ADAMTS14: variants seen among roughly 807,000 people sequenced by gnomAD.
ADAMTS14 encodes the protein A disintegrin and metalloproteinase with thrombospondin motifs 14.
In ADAMTS14, 100 loss-of-function variants were observed where a neutral mutation model predicts 128.6. The ratio of observed to expected loss-of-function variants is 0.78; its 90% CI spans 0.66 to 0.92. The LOEUF (loss-of-function observed/expected upper bound fraction) is 0.92. Among genes scored for constraint, ADAMTS14 ranks in the 40% least tolerant of loss-of-function variants. ADAMTS14 has a pLI of 0.00. For missense variants in ADAMTS14, 1,562 were observed against 1,658.6 expected, an observed-to-expected ratio of 0.94 and a Z score of 1.01; for synonymous variants, 665 against 653.8, an observed-to-expected ratio of 1.02 and a Z score of -0.26.
In ADAMTS14 at chr10:70,741,171, G is replaced by A. The variant is rs780283619; in HGVS notation, c.1924+9G>A. The stretch of plus-strand genomic sequence containing the variant: ...CTACGAGCCTGACGATGGTGAGTGG[G>A]CCCCACCCCCCTCCCACTCCATGTC... On this transcript the variant is annotated intron_variant, in intron 12 of 21. Coordinates refer to ENST00000373207, the MANE Select transcript of ADAMTS14 (RefSeq NM_080722.4). 8 of 1,610,926 alleles carry A rather than the reference G, an allele frequency of 5.0e-6. No homozygotes were observed. The highest frequency in any genetic ancestry group is 3.3e-5 in the South Asian group (3 of 91,026).
intron 2 of ADAMTS14, among the ~76,000 whole-genome samples, chr10:70,692,557 G>A (rs1258283353): frequency 2.0e-5 from 3 of 152,218 alleles, no homozygotes; most frequent in Non-Finnish European, 4.4e-5. Context: ...TTAGGGAATG[G>A]GAGTTGATTC....
Position 70,760,639 on chromosome 10 carries a change from G to A in ADAMTS14, c.3458G>A (p.Gly1153Glu). The A allele has an allele frequency of 6.2e-7, 1 of 1,614,136 alleles. No homozygotes were observed. Among genetic ancestry groups the A allele is most frequent in the Non-Finnish European group, 8.5e-7 (1 of 1,180,014 alleles). ...HQHGRATQLP[G>E]ALDTSSPGTQ... ...CATGGCCGAGCCACACAGCTCCCAG[G>A]AGCTCTGGATACAAGCTCCCCAGGG... Residue 1153 changes from glycine to glutamate, a missense_variant, in exon 22 of 22, where the codon GGA (glycine) becomes GAA (glutamate). By Grantham distance (98) the Gly-to-Glu change is moderately conservative. Coordinates refer to ENST00000373207, the MANE Select transcript of ADAMTS14 (RefSeq NM_080722.4).
chr10:70,734,397 G>A (rs1218848938), intron 8 of ADAMTS14, among the ~76,000 whole-genome samples: 1 of 152,106 alleles, frequency 6.6e-6, no homozygotes, highest in Non-Finnish European at 1.5e-5. Context: ...TGAGGCTTGG[G>A]GCTCTAAACC....
At chr10:70,726,446 C>T (rs1160009990) in intron 4 of ADAMTS14, among the ~76,000 whole-genome samples, 2 of 152,334 alleles carry the variant, frequency 1.3e-5, no homozygotes, top group African/African-American at 4.8e-5. Context: ...CAGATGCCCC[C>T]GCTGAATGTC....
chr10:70,727,631 C>T (rs1024414707), intron 4 of ADAMTS14, among the ~76,000 whole-genome samples: 1 of 152,108 alleles, frequency 6.6e-6, no homozygotes, highest in African/African-American at 2.4e-5. Context: ...GCATCACATC[C>T]CTGACCATGC....
intron 4 of ADAMTS14, among the ~76,000 whole-genome samples, chr10:70,718,576 G>A (rs1458229911): frequency 6.6e-6 from 1 of 151,886 alleles, no homozygotes; most frequent in Non-Finnish European, 1.5e-5. Flanking sequence ...AGTAGTGATG[G>A]GGATTCGCTG....
rs1345431009 is a variant in ADAMTS14, at chr10:70,756,595, TAGAA to T, written c.2938-1363_2938-1360del. 4.6e-5 allele frequency among the ~76,000 whole-genome samples: 7 copies of T among 152,320 alleles called. No homozygotes were observed. The South Asian group carries it at 1.2e-3, about 27-fold the overall frequency. On this transcript the variant is annotated intron_variant, in intron 19 of 21. Transcript: ENST00000373207. ...ACAAAGGAAAGGTTGGGGGTTTTAT[TAGAA>T]AGAGACATGATATGTATTGTGTTGA...
intron 5 of ADAMTS14, among the ~76,000 whole-genome samples, chr10:70,729,878 C>T (rs1007038715): frequency 7.2e-5 from 11 of 152,184 alleles, no homozygotes; most frequent in Admixed American, 1.3e-4. Context: ...GTGAAGTTCC[C>T]GGCAGAAACG....
chr10:70,736,759 C>T lies in ADAMTS14; in HGVS notation c.1565C>T (p.Pro522Leu), dbSNP rs150452351. ...TACTTCTGCAAGACCAAGAAGGGGC[C>T]CCCGCTGGATGGGACTGAGTGTGCA... Reference protein sequence around the residue: ...NPYFCKTKKGPPLDGTECAPG... With the variant: ...NPYFCKTKKGLPLDGTECAPG... The change falls in exon 10 of 22, where the codon CCC (proline) becomes CTC (leucine). Residue 522 changes from proline to leucine, a missense_variant. Transcript: ENST00000373207. 2.4e-5 allele frequency: 39 copies of T among 1,613,786 alleles called. 1 individual carries two copies. The South Asian group carries it at 2.7e-4, about 11-fold the overall frequency.
At chr10:70,719,551 C>G (rs1489964083) in intron 4 of ADAMTS14, among the ~76,000 whole-genome samples, 1 of 151,652 alleles carries the variant, frequency 6.6e-6, no homozygotes, top group African/African-American at 2.4e-5. Flanking sequence ...ATAGGCATGG[C>G]TGACTGTGCC....
chr10:70,734,107 G>A (rs1426810633), intron 8 of ADAMTS14, 79 bp downstream of exon 8: 3 of 1,552,568 alleles, frequency 1.9e-6, no homozygotes, highest in Non-Finnish European at 2.6e-6. Flanking sequence ...ACAGCTGGCT[G>A]GCTTCCCCAC....
intron 4 of ADAMTS14, among the ~76,000 whole-genome samples, chr10:70,714,051 A>G (rs551740400): frequency 6.6e-6 from 1 of 152,250 alleles, no homozygotes; most frequent in South Asian, 2.1e-4. Flanking sequence ...AAATTAGCCA[A>G]GCAAGGTGGT....
chr10:70,758,429 T>G, intron 21 of ADAMTS14, 144 bp downstream of exon 21: 1 of 680,324 alleles, frequency 1.5e-6, no homozygotes, highest in Non-Finnish European at 2.4e-6. Flanking sequence ...ACCTCAGTTA[T>G]GAAGTGGGGA....
At chr10:70,720,697 C>A (rs753914171) in intron 4 of ADAMTS14, among the ~76,000 whole-genome samples, 6 of 152,232 alleles carry the variant, frequency 3.9e-5, no homozygotes, top group Non-Finnish European at 7.3e-5. Flanking sequence ...ACACAGGTAC[C>A]CACACACATG....
intron 15 of ADAMTS14, among the ~76,000 whole-genome samples, chr10:70,746,899 C>T (rs1201703220): frequency 6.6e-6 from 1 of 152,016 alleles, no homozygotes; most frequent in African/African-American, 2.4e-5. Flanking sequence ...TGTGTTCAGA[C>T]CCCTTTGCAG....
rs1348472594 is a variant in ADAMTS14 at position 70,738,956 on chromosome 10, G to T, written c.1714G>T (p.Val572Leu). ...ATGTTCGCGGTCATGTGGGGGCGGG[G>T]TGCGATCCCGCAGCCGGAGCTGCAA... ...GSCSRSCGGG[V>L]RSRSRSCNNP... Residue 572 changes from valine (V) to leucine (L), a missense_variant, in exon 11 of 22, where the codon GTG becomes TTG. Coordinates refer to ENST00000373207, the MANE Select transcript of ADAMTS14 (RefSeq NM_080722.4). 6.2e-7 allele frequency: 1 copy of T among 1,613,158 alleles called. No individual in the cohort carries two copies. The highest frequency in any genetic ancestry group is 8.5e-7 in the Non-Finnish European group (1 of 1,179,444).
At chr10:70,757,621 CAG>C (rs1310967553) in intron 19 of ADAMTS14, among the ~76,000 whole-genome samples, 4 of 152,168 alleles carry the variant, frequency 2.6e-5, no homozygotes, top group Non-Finnish European at 5.9e-5. Context: ...AGACCAGACA[CAG>C]TGCATGCAGG....
intron 3 of ADAMTS14, among the ~76,000 whole-genome samples, chr10:70,706,228 T>C (rs1394293490): frequency 3.9e-5 from 6 of 152,218 alleles, no homozygotes; most frequent in African/African-American, 1.4e-4. Flanking sequence ...GAGAGAATTA[T>C]GGCTGTGCCC....
chr10:70,703,846 G>A lies in ADAMTS14; in HGVS notation c.679+1378G>A, dbSNP rs1840568929. Among the ~76,000 whole-genome samples the A allele has an allele frequency of 2.0e-5, 3 of 152,218 alleles. No individual in the cohort carries two copies. The South Asian group carries it at 6.2e-4, about 32-fold the overall frequency. On this transcript the variant is annotated intron_variant, in intron 3 of 21. Coordinates refer to ENST00000373207, the MANE Select transcript of ADAMTS14 (RefSeq NM_080722.4). ...ACTCTTGCCCCACACCAGGCTCCGG[G>A]GCTGGAACTCCAGTGAGGCCAGGCC...
Sources: gnomAD v4.1 joint callset for allele counts (sites outside exome capture counted in the v4.1 genomes callset) on GRCh38, gnomAD v4.1.1 for gene constraint, MANE v1.5 for transcripts, NCBI Gene and HGNC (gene_info 2026-07-23, HGNC 2026-07-21) for gene names.